NKAIN2: variants seen among roughly 807,000 people sequenced by gnomAD.
NKAIN2 encodes the protein sodium/potassium-transporting ATPase subunit beta-1-interacting protein 2.
Under a neutral mutation model 32.6 loss-of-function variants are expected in NKAIN2, and 14 were observed. That is an observed-to-expected ratio of 0.43 (90% CI 0.28 to 0.67). The LOEUF (loss-of-function observed/expected upper bound fraction) is 0.67, where lower values mean the gene tolerates loss of function less well. Among genes scored for constraint, NKAIN2 ranks in the 30% least tolerant of loss-of-function variants. NKAIN2 has a pLI of 0.17. For synonymous variants in NKAIN2, 80 were observed against 87.2 expected (o/e 0.92, Z 0.46); for missense variants, 198 against 258.3 (o/e 0.77, Z 1.60).
intron 3 of NKAIN2, among the ~76,000 whole-genome samples, chr6:124,371,055 T>A (rs192353262): frequency 3.4e-4 from 52 of 152,274 alleles, no homozygotes; most frequent in African/African-American, 1.2e-3. Context: ...AGTCCAATTC[T>A]TCTTGTCTGT....
intron 1 of NKAIN2, among the ~76,000 whole-genome samples, chr6:124,111,914 A>C (rs1036250723): frequency 1.3e-5 from 2 of 151,988 alleles, no homozygotes; most frequent in Admixed American, 1.3e-4. Flanking sequence ...ACTTTATGCT[A>C]ATAAGTTGAA....
chr6:124,664,394 T>G (rs1772670497), intron 4 of NKAIN2, among the ~76,000 whole-genome samples: 1 of 152,120 alleles, frequency 6.6e-6, no homozygotes, highest in Non-Finnish European at 1.5e-5. Flanking sequence ...ACAATAATTG[T>G]GTTGATAAAC....
At position 123,876,003 on chromosome 6, in the gene NKAIN2, A is replaced by G. The variant is rs941390883; in HGVS notation, c.54+71749A>G. On this transcript the variant is annotated intron_variant, in intron 1 of 6. Coordinates refer to ENST00000368417, the MANE Select transcript of NKAIN2 (RefSeq NM_001040214.3). ...TATTCTGTCAGTCTTTCGTATGACC[A>G]CATTGTTATAATTGTTTCAATATGT... Among the ~76,000 whole-genome samples, 70 of 152,112 alleles carry G rather than the reference A, an allele frequency of 4.6e-4. 1 individual carries two copies. Among genetic ancestry groups the G allele is most frequent in the Admixed American group, 4.5e-3 (69 of 15,252 alleles).
intron 3 of NKAIN2, among the ~76,000 whole-genome samples, chr6:124,460,123 A>G (rs970184803): frequency 1.3e-5 from 2 of 151,728 alleles, no homozygotes; most frequent in African/African-American, 4.8e-5. Flanking sequence ...ACTACAAAAT[A>G]TTATTGGAAA....
Position 124,668,228 on chromosome 6 carries a change from G to A in NKAIN2, c.474+9842G>A, listed in dbSNP as rs181946551. The stretch of plus-strand genomic sequence containing the variant: ...ACTCAAGGAAGCAGTTATTTGTCAC[G>A]TGATTATTTTGGTTAGTGCTAATTG... On this transcript the variant is annotated intron_variant, in intron 4 of 6. Transcript: ENST00000368417. Among the ~76,000 whole-genome samples the A allele has an allele frequency of 1.4e-4, 22 of 152,234 alleles. No homozygotes were observed. In the East Asian group the frequency reaches 2.9e-3, roughly 20 times the overall value.
intron 1 of NKAIN2, among the ~76,000 whole-genome samples, chr6:124,160,766 G>A (rs1359625095): frequency 6.6e-6 from 1 of 152,064 alleles, no homozygotes; most frequent in East Asian, 1.9e-4. Context: ...TATTAAAAAT[G>A]TTTTAATTTT....
intron 1 of NKAIN2, among the ~76,000 whole-genome samples, chr6:124,256,111 T>C (rs1210955364): frequency 6.6e-6 from 1 of 152,168 alleles, no homozygotes; most frequent in East Asian, 1.9e-4. Context: ...AGCAAGTCAG[T>C]TGGCAAAAAG....
chr6:123,866,695 G>A (rs1772534131), intron 1 of NKAIN2, among the ~76,000 whole-genome samples: 1 of 152,154 alleles, frequency 6.6e-6, no homozygotes, highest in Admixed American at 6.5e-5. Context: ...CTTCCAAAGT[G>A]CTGGGATTAC....
chr6:124,370,257 G>T (rs988861364), intron 3 of NKAIN2, among the ~76,000 whole-genome samples: 1 of 151,360 alleles, frequency 6.6e-6, no homozygotes, highest in Non-Finnish European at 1.5e-5. Flanking sequence ...TTTGCATGAA[G>T]AAATTTCGAA....
intron 4 of NKAIN2, among the ~76,000 whole-genome samples, chr6:124,673,942 A>G (rs1773229536): frequency 6.6e-6 from 1 of 152,008 alleles, no homozygotes; most frequent in African/African-American, 2.4e-5. Flanking sequence ...ATATCAAAGA[A>G]ATCATTACCA....
At chr6:124,055,788 G>T (rs185496964) in intron 1 of NKAIN2, among the ~76,000 whole-genome samples, 7 of 152,110 alleles carry the variant, frequency 4.6e-5, no homozygotes, top group Non-Finnish European at 8.8e-5. Context: ...TAACAAAAAT[G>T]TGCATTATTT....
At chr6:123,906,404 C>T (rs551698388) in intron 1 of NKAIN2, among the ~76,000 whole-genome samples, 3 of 152,086 alleles carry the variant, frequency 2.0e-5, no homozygotes, top group African/African-American at 7.2e-5. Flanking sequence ...AATTCTCCCA[C>T]CTCTGCCTCC....
Position 124,173,145 on chromosome 6 carries a change from C to A in NKAIN2, c.55-109860C>A, listed in dbSNP as rs1030930657. 3.9e-5 allele frequency among the ~76,000 whole-genome samples: 6 copies of A among 152,154 alleles called. No individual in the cohort carries two copies. In the South Asian group the frequency reaches 1.2e-3, roughly 32 times the overall value. On this transcript the variant is annotated intron_variant, in intron 1 of 6. Transcript: ENST00000368417. ...TGAATAATGAAATATTTCAAATTGT[C>A]TAATTGCATGATATAAAATGCATAT...
At position 123,854,025 on chromosome 6, in the gene NKAIN2, G is replaced by A. The variant is rs549083410; in HGVS notation, c.54+49771G>A. On this transcript the variant is annotated intron_variant, in intron 1 of 6. Transcript: ENST00000368417. ...TGACCTCAGGTGCTCCGCCTGCCTT[G>A]GCCTCCCAAAGTGCAGGGATTACAG... Among the ~76,000 whole-genome samples the A allele has an allele frequency of 9.2e-5, 14 of 152,000 alleles. No homozygotes were observed. In the East Asian group the frequency reaches 2.7e-3, roughly 30 times the overall value.
intron 1 of NKAIN2, among the ~76,000 whole-genome samples, chr6:124,276,970 GC>G (rs1273084642): frequency 6.6e-6 from 1 of 152,154 alleles, no homozygotes; most frequent in African/African-American, 2.4e-5. Context: ...AAAATTAGCA[GC>G]TTTACCAAAG....
intron 2 of NKAIN2, among the ~76,000 whole-genome samples, chr6:124,338,739 A>G (rs554247693): frequency 1.2e-3 from 181 of 152,300 alleles, no homozygotes; most frequent in Non-Finnish European, 2.1e-3. Context: ...CCTGTCATAG[A>G]CCTTCACAGT....
At chr6:124,581,649 A>G (rs1781529662) in intron 3 of NKAIN2, among the ~76,000 whole-genome samples, 1 of 152,156 alleles carries the variant, frequency 6.6e-6, no homozygotes, top group South Asian at 2.1e-4. Context: ...ATCAAATTAT[A>G]TCAGCTAACT....
intron 1 of NKAIN2, among the ~76,000 whole-genome samples, chr6:123,862,961 T>A (rs1323453569): frequency 1.3e-5 from 2 of 152,224 alleles, no homozygotes; most frequent in Non-Finnish European, 2.9e-5. Context: ...ACATAGCAGG[T>A]AGCCAATGAG....
At position 124,454,109 on chromosome 6, in the gene NKAIN2, G is replaced by C. The variant is rs116377938; in HGVS notation, c.273+98762G>C. 1.2e-4 allele frequency among the ~76,000 whole-genome samples: 16 copies of C among 135,856 alleles called. 1 individual carries two copies. Among genetic ancestry groups the C allele is most frequent in the Admixed American group, 2.2e-4 (3 of 13,800 alleles). The allele number at this position is 135,856 out of a possible 152,430, so 89.1% of individuals were successfully genotyped here. ...TTAATATGTTGGGTTTTTTTTTTGG[G>C]GGGGGGGGTTGCTGGTTTATTTGCT... On this transcript the variant is annotated intron_variant, in intron 3 of 6. Coordinates refer to ENST00000368417, the MANE Select transcript of NKAIN2 (RefSeq NM_001040214.3).
Sources: gnomAD v4.1 joint callset for allele counts (sites outside exome capture counted in the v4.1 genomes callset) on GRCh38, gnomAD v4.1.1 for gene constraint, MANE v1.5 for transcripts, NCBI Gene and HGNC (gene_info 2026-07-23, HGNC 2026-07-21) for gene names.